Variants in ADCY1 observed in about 807,000 individuals in gnomAD.
ADCY1 encodes the protein adenylate cyclase 1, also known as adenylate cyclase type 1.
Under a neutral mutation model 105.4 loss-of-function variants are expected in ADCY1, and 28 were observed. The observed-to-expected ratio is 0.27, with a 90% confidence interval of 0.20 to 0.36. ADCY1 has a LOEUF of 0.36. ADCY1 is among the 10% of genes least tolerant of loss of function. The probability of loss-of-function intolerance (pLI) is 1.00; values close to 1 mark genes in which losing one functional copy is unlikely to be tolerated. For synonymous variants in ADCY1, 655 were observed against 623.8 expected (o/e 1.05, Z -0.75); for missense variants, 977 against 1,434.2 (o/e 0.68, Z 5.15).
chr7:45,682,072 G>A (rs1000786447), intron 11 of ADCY1, among the ~76,000 whole-genome samples: 4 of 152,196 alleles, frequency 2.6e-5, no homozygotes, highest in Non-Finnish European at 1.5e-5. Flanking sequence ...TGAAATGGCG[G>A]TGATGATGGC....
Position 45,659,925 on chromosome 7 carries a change from G to A in ADCY1, c.1308-117G>A, listed in dbSNP as rs1416462250. 7 of 1,327,818 alleles carry A rather than the reference G, an allele frequency of 5.3e-6. No homozygotes were observed. In the East Asian group the frequency reaches 9.3e-5, roughly 18 times the overall value. 82.3% of individuals were successfully genotyped at this position (1,327,818 alleles called of 1,614,324 possible). ...CATGGGAGCATGAATACTCCCCGTG[G>A]AGCCTGCCCTGGTGTGGGGAAGCCT... On this transcript the variant is annotated intron_variant, in intron 6 of 19. Transcript: ENST00000297323.
intron 2 of ADCY1, among the ~76,000 whole-genome samples, chr7:45,602,078 A>G (rs1037630631): frequency 3.3e-5 from 5 of 152,042 alleles, no homozygotes; most frequent in Admixed American, 6.5e-5. Context: ...GGGGTTTGCC[A>G]GGTAGAGGCA....
Position 45,721,911 on chromosome 7 carries a change from C to T in ADCY1, c.*7916C>T, listed in dbSNP as rs1785481719. The stretch of plus-strand genomic sequence containing the variant: ...ATTAATGTTTAAACAGACATAATAG[C>T]CTAGATGAACTCCCAAGAGATCTAT... On this transcript the variant is annotated 3_prime_UTR_variant, in exon 20 of 20. Coordinates refer to ENST00000297323, the MANE Select transcript of ADCY1 (RefSeq NM_021116.4). 1 of 398,398 alleles carries T rather than the reference C, an allele frequency of 2.5e-6. No individual in the cohort carries two copies. The highest frequency in any genetic ancestry group is 4.4e-6 in the Non-Finnish European group (1 of 226,064). The allele number at this position is 398,398 out of a possible 1,614,324, so 24.7% of individuals were successfully genotyped here.
At chr7:45,618,907 GCTCT>G (rs1442789861) in intron 3 of ADCY1, among the ~76,000 whole-genome samples, 11 of 152,168 alleles carry the variant, frequency 7.2e-5, no homozygotes, top group Non-Finnish European at 1.5e-4. Context: ...AGAGATATGT[GCTCT>G]CCCTGTTTAT....
intron 2 of ADCY1, among the ~76,000 whole-genome samples, chr7:45,607,536 C>T (rs548265008): frequency 1.3e-5 from 2 of 152,244 alleles, no homozygotes; most frequent in South Asian, 4.1e-4. Context: ...TACAATTGAT[C>T]CCATAACCCG....
intron 1 of ADCY1, among the ~76,000 whole-genome samples, chr7:45,579,324 A>C (rs1792449403): frequency 6.6e-6 from 1 of 151,606 alleles, no homozygotes; most frequent in African/African-American, 2.4e-5. Flanking sequence ...CCCTTTCCCC[A>C]GCCTCTCCCT....
chr7:45,593,552 T>C (rs1792988051), intron 2 of ADCY1, among the ~76,000 whole-genome samples: 1 of 152,200 alleles, frequency 6.6e-6, no homozygotes, highest in African/African-American at 2.4e-5. Context: ...GCGCGGGGCC[T>C]GTGCCCAGCA....
chr7:45,704,647 G>T, intron 17 of ADCY1, 31 bp downstream of exon 17: 1 of 1,580,502 alleles, frequency 6.3e-7, no homozygotes, highest in South Asian at 1.1e-5. Flanking sequence ...CCTGCTTGGG[G>T]ACTGGGTCCA....
intron 2 of ADCY1, 53 bp downstream of exon 2, chr7:45,592,961 G>A (rs1389780016): frequency 8.1e-6 from 13 of 1,601,322 alleles, no homozygotes; most frequent in Non-Finnish European, 1.1e-5. Flanking sequence ...GGCTGGGGAG[G>A]TGGAAGAAGC....
chr7:45,673,453 T>C (rs1784399396), intron 8 of ADCY1, among the ~76,000 whole-genome samples: 1 of 152,198 alleles, frequency 6.6e-6, no homozygotes, highest in Non-Finnish European at 1.5e-5. Context: ...GTCAATTTCT[T>C]TAGAAATTAT....
Position 45,669,736 on chromosome 7 carries a change from A to G in ADCY1, c.1605+7522A>G, listed in dbSNP as rs113293868. ...ATTTTTTTAAAATATAACTTCTACC[A>G]TATCTATCTGAATTTAATGAAGATA... On this transcript the variant is annotated intron_variant, in intron 8 of 19. Transcript: ENST00000297323. Among the ~76,000 whole-genome samples, 986 of 152,298 alleles carry G rather than the reference A, an allele frequency of 6.5e-3. 15 individuals carry two copies. The highest frequency in any genetic ancestry group is 0.023 in the African/African-American group (942 of 41,566).
chr7:45,635,017 ATTCT>A (rs1275815223), intron 4 of ADCY1, among the ~76,000 whole-genome samples: 2 of 152,126 alleles, frequency 1.3e-5, no homozygotes, highest in Non-Finnish European at 2.9e-5. Context: ...TAGAAATGGT[ATTCT>A]TTCTTTCTTA....
chr7:45,619,440 A>AT (rs1365920584), intron 3 of ADCY1, among the ~76,000 whole-genome samples: 1 of 152,196 alleles, frequency 6.6e-6, no homozygotes, highest in African/African-American at 2.4e-5. Context: ...TGATAACTGC[A>AT]TGTTGTATAC....
chr7:45,592,685 C>G (rs1792957096), intron 1 of ADCY1, 74 bp from the exon 2 acceptor site: 1 of 1,592,594 alleles, frequency 6.3e-7, no homozygotes, highest in African/African-American at 1.3e-5. Context: ...TTGCTATGCT[C>G]TCCGGGCGGC....
intron 8 of ADCY1, among the ~76,000 whole-genome samples, chr7:45,662,598 C>G (rs1292782398): frequency 6.6e-6 from 1 of 152,146 alleles, no homozygotes; most frequent in Non-Finnish European, 1.5e-5. Flanking sequence ...ATCCTTGCCC[C>G]CAGCGTCCAA....
In ADCY1 at chr7:45,715,450, C is replaced by A. The variant is rs1179467858; in HGVS notation, c.*1455C>A. 6.6e-6 allele frequency: 1 copy of A among 152,424 alleles called. No homozygotes were observed. The allele number at this position is 152,424 out of a possible 1,614,324, so 9.4% of individuals were successfully genotyped here. A position where few individuals can be genotyped will look rare whatever the true frequency, so the allele number is the denominator to read the frequency against. On this transcript the variant is annotated 3_prime_UTR_variant, in exon 20 of 20. Coordinates refer to ENST00000297323, the MANE Select transcript of ADCY1 (RefSeq NM_021116.4). ...GGTCCGCCTCCTCACTGCTCCTCAA[C>A]AGCTGTAACCCTTTCCTGAGGGCCC...
intron 14 of ADCY1, among the ~76,000 whole-genome samples, chr7:45,693,937 G>A (rs1444145829): frequency 3.4e-5 from 4 of 118,546 alleles, no homozygotes; most frequent in African/African-American, 1.3e-4. Context: ...GACACAGGAA[G>A]GGGAATATCA....
chr7:45,695,808 A>T (rs1173541617), intron 14 of ADCY1, among the ~76,000 whole-genome samples: 1 of 152,236 alleles, frequency 6.6e-6, no homozygotes, highest in Non-Finnish European at 1.5e-5. Flanking sequence ...TCTCAATGCC[A>T]TGTTGGGCTT....
At chr7:45,610,011 T>C (rs1793490266) in intron 2 of ADCY1, among the ~76,000 whole-genome samples, 1 of 152,012 alleles carries the variant, frequency 6.6e-6, no homozygotes, top group South Asian at 2.1e-4. Flanking sequence ...TTTAAGCCAA[T>C]GTGAAAGACT....
Sources: allele counts gnomAD v4.1 joint callset (sites outside exome capture counted in the v4.1 genomes callset), GRCh38; gene constraint gnomAD v4.1.1; transcripts MANE v1.5; gene names NCBI Gene and HGNC (gene_info 2026-07-23, HGNC 2026-07-21).